HDAC9: variants seen among roughly 807,000 people sequenced by gnomAD.
HDAC9 encodes histone deacetylase 9.
In HDAC9, 41 loss-of-function variants were observed where a neutral mutation model predicts 139.4. The observed-to-expected ratio is 0.29, with a 90% confidence interval of 0.23 to 0.38. HDAC9 has a LOEUF of 0.38. Among genes scored for constraint, HDAC9 ranks in the 10% least tolerant of loss-of-function variants. The pLI is 1.00. For synonymous variants in HDAC9, 517 were observed against 476.2 expected, an observed-to-expected ratio of 1.09 and a Z score of -1.12; for missense variants, 1,147 against 1,297.0, an observed-to-expected ratio of 0.88 and a Z score of 1.78.
chr7:18,584,335 G>C (rs182301411), intron 2 of HDAC9, among the ~76,000 whole-genome samples: 1 of 151,538 alleles, frequency 6.6e-6, no homozygotes, highest in Non-Finnish European at 1.5e-5. Flanking sequence ...TCACCGTGTT[G>C]GCCAGGATGG....
chr7:18,613,147 T>C (rs1837638643), intron 6 of HDAC9, among the ~76,000 whole-genome samples: 1 of 149,846 alleles, frequency 6.7e-6, no homozygotes, highest in Non-Finnish European at 1.5e-5. Context: ...TATAATAGAC[T>C]GAATACAGTC....
At chr7:18,604,358 T>C (rs1834823834) in intron 6 of HDAC9, among the ~76,000 whole-genome samples, 1 of 152,096 alleles carries the variant, frequency 6.6e-6, no homozygotes. Flanking sequence ...TCTTCAAAGT[T>C]ATTGATTCCT....
intron 6 of HDAC9, among the ~76,000 whole-genome samples, chr7:18,619,766 T>A (rs1385622501): frequency 6.6e-6 from 1 of 152,194 alleles, no homozygotes; most frequent in East Asian, 1.9e-4. Context: ...TATTTTTTAT[T>A]TAGTATTCCT....
At chr7:18,714,445 G>A (rs1488536092) in intron 12 of HDAC9, among the ~76,000 whole-genome samples, 1 of 152,116 alleles carries the variant, frequency 6.6e-6, no homozygotes, top group African/African-American at 2.4e-5. Flanking sequence ...AGTACTGCAT[G>A]GCCTCCACAA....
chr7:18,817,729 C>G (rs1794677361), intron 17 of HDAC9, among the ~76,000 whole-genome samples: 1 of 152,204 alleles, frequency 6.6e-6, no homozygotes, highest in Non-Finnish European at 1.5e-5. Context: ...TGGGCACTTG[C>G]TGGCAAACCT....
chr7:18,165,798 CAAA>C (rs59376151), intron 2 of HDAC9, among the ~76,000 whole-genome samples: 10 of 97,474 alleles, frequency 1.0e-4, no homozygotes, highest in East Asian at 3.0e-4. Flanking sequence ...GACCCTGTCT[CAAA>C]AAAAAAAAAA....
chr7:18,431,926 A>C (rs1790711204), intron 1 of HDAC9, among the ~76,000 whole-genome samples: 1 of 152,200 alleles, frequency 6.6e-6, no homozygotes, highest in South Asian at 2.1e-4. Flanking sequence ...CTACATGAGA[A>C]AGTCAGAATT....
At chr7:18,823,628 A>G (rs1795150639) in intron 17 of HDAC9, among the ~76,000 whole-genome samples, 1 of 152,068 alleles carries the variant, frequency 6.6e-6, no homozygotes, top group African/African-American at 2.4e-5. Flanking sequence ...CTATGAGGAG[A>G]TGATAAGGAT....
intron 1 of HDAC9, chr7:18,429,233 G>T (rs1173750622): frequency 1.3e-5 from 2 of 152,100 alleles, no homozygotes; most frequent in Non-Finnish European, 2.9e-5. Flanking sequence ...ACCATGATAT[G>T]AATTAGGAGT....
intron 2 of HDAC9, among the ~76,000 whole-genome samples, chr7:18,566,994 C>G (rs138684756): frequency 1.3e-4 from 20 of 152,262 alleles, no homozygotes; most frequent in Non-Finnish European, 2.5e-4. Flanking sequence ...TCAAGTGTGT[C>G]GCAAGGCCTA....
intron 1 of HDAC9, among the ~76,000 whole-genome samples, chr7:18,307,479 A>G (rs1799003862): frequency 6.6e-6 from 1 of 152,188 alleles, no homozygotes; most frequent in Non-Finnish European, 1.5e-5. Flanking sequence ...GCTCTTTCTT[A>G]GATTCTAAAA....
intron 21 of HDAC9, among the ~76,000 whole-genome samples, chr7:18,851,685 C>A (rs766343494): frequency 6.6e-6 from 1 of 152,122 alleles, no homozygotes; most frequent in East Asian, 1.9e-4. Context: ...CACATTTGTA[C>A]GATGTGCTTT....
intron 16 of HDAC9, among the ~76,000 whole-genome samples, chr7:18,784,441 G>C (rs980077755): frequency 6.6e-6 from 1 of 151,672 alleles, no homozygotes; most frequent in Non-Finnish European, 1.5e-5. Context: ...ATCCGAGGAG[G>C]CATTTTAGAA....
intron 2 of HDAC9, among the ~76,000 whole-genome samples, chr7:18,571,921 G>C (rs1261803732): frequency 6.6e-6 from 1 of 151,284 alleles, no homozygotes; most frequent in Non-Finnish European, 1.5e-5. Flanking sequence ...TTTTGTGCTG[G>C]CTAAAGGTAA....
chr7:18,133,620 C>T (rs990025530), intron 1 of HDAC9, among the ~76,000 whole-genome samples: 46 of 152,088 alleles, frequency 3.0e-4, no homozygotes, highest in African/African-American at 9.9e-4. Context: ...AAACTGTGTA[C>T]GTGAACACCT....
rs775508793 is a variant in HDAC9, at chr7:18,666,336, A to G, written c.1591A>G (p.Arg531Gly). Reference protein sequence around the residue: ...DRAPSSGNSTRSDSSACVDDT... With the variant: ...DRAPSSGNSTGSDSSACVDDT... ...AGCGCCCTCTAGTGGCAACAGCACT[A>G]GGAGCGACAGCAGTGCTTGTGTGGA... The change falls in exon 12 of 26, where the codon AGG (arginine) becomes GGG (glycine). Residue 531 changes from arginine to glycine, a missense_variant. Transcript: ENST00000686413. 3 of 1,613,434 alleles carry G rather than the reference A, an allele frequency of 1.9e-6. No homozygotes were observed. Among genetic ancestry groups the G allele is most frequent in the Non-Finnish European group, 2.5e-6 (3 of 1,179,612 alleles).
intron 2 of HDAC9, among the ~76,000 whole-genome samples, chr7:18,577,892 A>G (rs886994401): frequency 1.3e-5 from 2 of 152,182 alleles, no homozygotes; most frequent in African/African-American, 2.4e-5. Context: ...CATAATACAT[A>G]ACATGGATAG....
intron 17 of HDAC9, among the ~76,000 whole-genome samples, chr7:18,818,879 C>T (rs936271500): frequency 1.3e-5 from 2 of 152,054 alleles, no homozygotes; most frequent in African/African-American, 4.8e-5. Context: ...GCCCATGGGA[C>T]AATCTTAATG....
At chr7:18,259,674 G>A (rs1445309176) in intron 2 of HDAC9, among the ~76,000 whole-genome samples, 2 of 152,158 alleles carry the variant, frequency 1.3e-5, no homozygotes, top group Non-Finnish European at 2.9e-5. Flanking sequence ...CAACAAGCCA[G>A]TTTTATCCTC....
Sources: allele counts gnomAD v4.1 joint callset (sites outside exome capture counted in the v4.1 genomes callset), GRCh38; gene constraint gnomAD v4.1.1; transcripts MANE v1.5; gene names NCBI Gene and HGNC (gene_info 2026-07-23, HGNC 2026-07-21).